The following MGMT variants were observed in gnomAD, a reference collection of about 807,000 sequenced individuals.
MGMT encodes methylated-DNA--protein-cysteine methyltransferase.
A neutral mutation model predicts 15.9 loss-of-function variants in MGMT; 14 were observed. The ratio of observed to expected loss-of-function variants is 0.88; its 90% CI spans 0.58 to 1.37. The LOEUF is 1.37. Ranked by LOEUF, MGMT falls within the 40% of genes most tolerant of loss-of-function variation. MGMT has a pLI of 0.00. For missense variants in MGMT, 282 were observed against 268.1 expected (o/e 1.05, Z -0.36); for synonymous variants, 130 against 118.2 (o/e 1.10, Z -0.65).
chr10:129,706,779 TCAGTC>T (rs1848168417), intron 2 of MGMT, among the ~76,000 whole-genome samples: 1 of 152,078 alleles, frequency 6.6e-6, no homozygotes, highest in African/African-American at 2.4e-5. Context: ...GGCCATGTCC[TCAGTC>T]CGTGGAACAC....
chr10:129,686,241 TAATA>T (rs935265340), intron 2 of MGMT, among the ~76,000 whole-genome samples: 13 of 151,288 alleles, frequency 8.6e-5, no homozygotes, highest in Non-Finnish European at 1.5e-4. Context: ...ATGCTATTGC[TAATA>T]AATTGAGTCA....
chr10:129,589,001 T>C (rs1039944594), intron 2 of MGMT, among the ~76,000 whole-genome samples: 3 of 152,236 alleles, frequency 2.0e-5, no homozygotes, highest in African/African-American at 7.2e-5. Flanking sequence ...ACCCTGGTGG[T>C]CTGGATACTG....
intron 1 of MGMT, among the ~76,000 whole-genome samples, chr10:129,473,778 C>T (rs566611132): frequency 6.6e-6 from 1 of 152,204 alleles, no homozygotes; most frequent in Non-Finnish European, 1.5e-5. Context: ...GGCGTTGAGC[C>T]GTAGCTGAGG....
intron 2 of MGMT, among the ~76,000 whole-genome samples, chr10:129,554,927 C>T (rs1310316537): frequency 6.6e-6 from 1 of 152,130 alleles, no homozygotes; most frequent in Non-Finnish European, 1.5e-5. Context: ...GGACAAATCA[C>T]TTCACTCCAT....
chr10:129,475,553 T>C (rs1845282682), intron 1 of MGMT, among the ~76,000 whole-genome samples: 1 of 152,250 alleles, frequency 6.6e-6, no homozygotes, highest in African/African-American at 2.4e-5. Flanking sequence ...TGCTATTCTT[T>C]ATTGTGCAGA....
intron 3 of MGMT, among the ~76,000 whole-genome samples, chr10:129,722,898 C>T (rs11016892): frequency 0.23 from 33,786 of 149,970 alleles, 4,553 homozygotes; most frequent in East Asian, 0.43. Flanking sequence ...CCCAGCTACT[C>T]GGGAGGCTAA....
At chr10:129,628,840 A>G (rs1847179752) in intron 2 of MGMT, among the ~76,000 whole-genome samples, 1 of 152,174 alleles carries the variant, frequency 6.6e-6, no homozygotes, top group African/African-American at 2.4e-5. Context: ...CTTGCTTCTG[A>G]AGATTCTGGT....
chr10:129,627,324 T>C (rs1179372584), intron 2 of MGMT, among the ~76,000 whole-genome samples: 1 of 152,074 alleles, frequency 6.6e-6, no homozygotes, highest in Non-Finnish European at 1.5e-5. Context: ...AGGGAGAGAC[T>C]AGGATTTCTG....
At chr10:129,607,074 C>T (rs1490955376) in intron 2 of MGMT, among the ~76,000 whole-genome samples, 1 of 152,108 alleles carries the variant, frequency 6.6e-6, no homozygotes, top group Non-Finnish European at 1.5e-5. Flanking sequence ...AGTTGGCACC[C>T]TCCGGTTTGG....
intron 1 of MGMT, among the ~76,000 whole-genome samples, chr10:129,513,349 A>G (rs1203016121): frequency 1.3e-5 from 2 of 152,234 alleles, no homozygotes; most frequent in African/African-American, 4.8e-5. Context: ...ATTTAATGCC[A>G]CTGAATTACA....
chr10:129,553,321 G>A (rs895168397), intron 2 of MGMT, among the ~76,000 whole-genome samples: 2 of 152,178 alleles, frequency 1.3e-5, no homozygotes, highest in African/African-American at 4.8e-5. Flanking sequence ...AGATTTCTGC[G>A]TGACTTTTAT....
chr10:129,725,556 G>A (rs755146936), intron 3 of MGMT, among the ~76,000 whole-genome samples: 2 of 152,192 alleles, frequency 1.3e-5, no homozygotes, highest in Middle Eastern at 3.2e-3. Flanking sequence ...CCTTTTCCAG[G>A]TGGTGGTTTG....
At chr10:129,640,197 A>T (rs1202345736) in intron 2 of MGMT, among the ~76,000 whole-genome samples, 1 of 151,146 alleles carries the variant, frequency 6.6e-6, no homozygotes, top group Non-Finnish European at 1.5e-5. Flanking sequence ...TCCCGGGTTC[A>T]AGTGATTCTT....
At chr10:129,534,271 C>T (rs896362274) in intron 1 of MGMT, among the ~76,000 whole-genome samples, 16 of 152,108 alleles carry the variant, frequency 1.1e-4, no homozygotes, top group African/African-American at 3.9e-4. Context: ...CTCGGGAAGC[C>T]TGGTTTTTAC....
chr10:129,624,700 T>C (rs569459), intron 2 of MGMT, among the ~76,000 whole-genome samples: 151,954 of 152,302 alleles, frequency 1, 75,804 homozygotes, highest in Middle Eastern at 1. Flanking sequence ...GCATGCCCAG[T>C]GCGGCGGCGA....
intron 2 of MGMT, among the ~76,000 whole-genome samples, chr10:129,593,139 T>A (rs754130585): frequency 4.2e-4 from 64 of 152,288 alleles, no homozygotes; most frequent in Non-Finnish European, 7.8e-4. Context: ...CTCAGGTGTC[T>A]CTCATCAGTG....
rs1242839678 is a variant in MGMT, at chr10:129,566,296, G to A, written c.125+29919G>A. On this transcript the variant is annotated intron_variant, in intron 2 of 4. Coordinates refer to ENST00000651593, the MANE Select transcript of MGMT (RefSeq NM_002412.5). The surrounding 1 kb of genome is among the most constrained non-coding windows in gnomAD (Gnocchi z 4.1). ...AGCACAAGCCTTGGGCAGAGGTGAGGCAGAGCTCTGACTGTTTCATTCGAC... is the reference window on the plus strand; with the variant it reads ...AGCACAAGCCTTGGGCAGAGGTGAGACAGAGCTCTGACTGTTTCATTCGAC... 1.3e-5 allele frequency among the ~76,000 whole-genome samples: 2 copies of A among 152,182 alleles called. No homozygotes were observed. Among genetic ancestry groups the A allele is most frequent in the African/African-American group, 4.8e-5 (2 of 41,434 alleles).
At chr10:129,572,315 C>T (rs571136722) in intron 2 of MGMT, among the ~76,000 whole-genome samples, 1 of 152,256 alleles carries the variant, frequency 6.6e-6, no homozygotes, top group South Asian at 2.1e-4. Context: ...TACCCCAACA[C>T]TTTTTCTTCA....
chr10:129,721,016 G>A (rs1194982534), intron 3 of MGMT, among the ~76,000 whole-genome samples: 4 of 152,154 alleles, frequency 2.6e-5, no homozygotes, highest in African/African-American at 4.8e-5. Context: ...GAAGGGTAGC[G>A]GTTTCAAGAG....
Sources: gnomAD v4.1 joint callset for allele counts (sites outside exome capture counted in the v4.1 genomes callset) on GRCh38, gnomAD v4.1.1 for gene constraint, Gnocchi (gnomAD v3.1) non-coding constraint, MANE v1.5 for transcripts, NCBI Gene and HGNC (gene_info 2026-07-23, HGNC 2026-07-21) for gene names.